Variants in TRIM13 observed in about 807,000 individuals in gnomAD.
The protein encoded by TRIM13 is E3 ubiquitin-protein ligase TRIM13.
TRIM13 carries 15 observed loss-of-function variants against 27.1 expected under a neutral mutation model. The ratio of observed to expected loss-of-function variants is 0.55; its 90% confidence interval spans 0.37 to 0.85. TRIM13 has a LOEUF of 0.85. Ranked by LOEUF, TRIM13 falls within the 40% of genes least tolerant of loss-of-function variation. TRIM13 has a pLI of 0.00. For synonymous variants in TRIM13, 193 were observed against 171.5 expected, an observed-to-expected ratio of 1.13 and a Z score of -0.98; for missense variants, 402 against 472.2, an observed-to-expected ratio of 0.85 and a Z score of 1.38.
chr13:50,012,135 A>T lies in TRIM13; in HGVS notation c.195A>T (p.Gly65=). The T allele has an allele frequency of 6.2e-7, 1 of 1,614,146 alleles. No homozygotes were observed. The highest frequency in any genetic ancestry group is 8.5e-7 in the Non-Finnish European group (1 of 1,180,014). The change falls in exon 2 of 2, where the codon GGA becomes GGT. Residue 65 remains glycine, a synonymous_variant. Transcript: ENST00000378182. ...GCCGTAAGGAAACTTCAGCTACTGG[A>T]ATTAATAGCCTGCAGGTTAATTACT... is the stretch of plus-strand genomic sequence containing the variant. The part of the protein sequence containing the change: ...PTCRKETSAT[G]INSLQVNYSL...
intron 1 of TRIM13, among the ~76,000 whole-genome samples, chr13:50,001,472 G>T (rs1225905182): frequency 6.6e-6 from 1 of 152,190 alleles, no homozygotes; most frequent in Non-Finnish European, 1.5e-5. Flanking sequence ...TTCTGAGTAA[G>T]TGAACTTACC....
At position 50,012,715 on chromosome 13, in the gene TRIM13, A is replaced by G; in HGVS notation, c.775A>G (p.Ile259Val). 1 of 1,614,106 alleles carries G rather than the reference A, an allele frequency of 6.2e-7. No homozygotes were observed. The highest frequency in any genetic ancestry group is 8.5e-7 in the Non-Finnish European group (1 of 1,180,004). Residue 259 changes from isoleucine to valine, a missense_variant, in exon 2 of 2, where the codon ATC becomes GTC. Ile to Val is a conservative substitution (Grantham distance 29). This residue lies in a region of TRIM13 where 200 missense variants were observed against 194.7 expected (regional missense o/e 1.03). Transcript: ENST00000378182. The stretch of plus-strand genomic sequence containing the variant: ...ACAGATGCAGGAGTTTAGAGAGAAA[A>G]TCAAAGTAATCAAGGAAACTCCTTT... ...LQQMQEFREK[I>V]KVIKETPLPP...
chr13:50,006,137 G>A (rs57929264), intron 1 of TRIM13, among the ~76,000 whole-genome samples: 26,581 of 151,816 alleles, frequency 0.18, 2,673 homozygotes, highest in African/African-American at 0.26. Flanking sequence ...CAATTTTTTT[G>A]AAGATACTTT....
rs1179449963 is a variant in TRIM13, at chr13:50,015,082, AAAAAAAAAAAAAATATATATATATATAT to A, written c.*1920_*1947del. 3.7e-4 allele frequency: 15 copies of A among 40,888 alleles called. No individual in the cohort carries two copies. The highest frequency in any genetic ancestry group is 2.7e-3 in the Admixed American group (8 of 2,942). The allele number at this position is 40,888 out of a possible 1,614,324, so 2.5% of individuals were successfully genotyped here. Reference sequence around the variant, plus strand: ...CTTTTCCCCTCCCAGTAATAAAAAAAAAAAAAAAAAAAATATATATATATATATATATATATATATATATATATATATA... The same window carrying A: ...CTTTTCCCCTCCCAGTAATAAAAAAAATATATATATATATATATATATATA... On this transcript the variant is annotated 3_prime_UTR_variant, in exon 2 of 2. Transcript: ENST00000378182.
chr13:50,015,548 A>C lies in TRIM13; in HGVS notation c.*2384A>C. On this transcript the variant is annotated 3_prime_UTR_variant, in exon 2 of 2. Transcript: ENST00000378182. ...TGTGGGAGGGAAGATATTCACGACAAGGTTTTCTACGATAAAGCAGTTTCC... is the reference window on the plus strand; with the variant it reads ...TGTGGGAGGGAAGATATTCACGACACGGTTTTCTACGATAAAGCAGTTTCC... 1.9e-6 allele frequency: 3 copies of C among 1,614,046 alleles called. No homozygotes were observed. Among genetic ancestry groups the C allele is most frequent in the Non-Finnish European group, 2.5e-6 (3 of 1,179,968 alleles).
chr13:50,004,804 G>A (rs866410522), intron 1 of TRIM13, among the ~76,000 whole-genome samples: 14 of 147,910 alleles, frequency 9.5e-5, no homozygotes, highest in Middle Eastern at 3.9e-3. Context: ...GGCCAGGTGC[G>A]GTGGCTCACG....
At chr13:50,005,596 A>C (rs1436062216) in intron 1 of TRIM13, among the ~76,000 whole-genome samples, 1 of 151,444 alleles carries the variant, frequency 6.6e-6, no homozygotes, top group Non-Finnish European at 1.5e-5. Flanking sequence ...AATCACTTGA[A>C]CCCAGGAGGC....
intron 1 of TRIM13, among the ~76,000 whole-genome samples, chr13:50,001,904 T>C (rs1442035033): frequency 1.3e-5 from 2 of 152,088 alleles, no homozygotes; most frequent in Non-Finnish European, 2.9e-5. Context: ...TGATACAGAG[T>C]ATTTAAAATA....
rs562562213 is a variant in TRIM13, at chr13:50,013,679, C to A, written c.*515C>A. ...CTGGGATTACAGGCGCGTGCCACCA[C>A]GCCCAGCTAATTTTTTGTATTTTTA... is the stretch of plus-strand genomic sequence containing the variant. On this transcript the variant is annotated 3_prime_UTR_variant, in exon 2 of 2. Coordinates refer to ENST00000378182, the MANE Select transcript of TRIM13 (RefSeq NM_213590.3). 6.1e-6 allele frequency: 1 copy of A among 163,910 alleles called. No homozygotes were observed. The highest frequency in any genetic ancestry group is 2.4e-5 in the African/African-American group (1 of 41,348). The allele number at this position is 163,910 out of a possible 1,614,324, so 10.2% of individuals were successfully genotyped here.
chr13:50,015,918 T>C lies in TRIM13; in HGVS notation c.*2754T>C. 1 of 1,614,100 alleles carries C rather than the reference T, an allele frequency of 6.2e-7. No homozygotes were observed. Among genetic ancestry groups the C allele is most frequent in the Non-Finnish European group, 8.5e-7 (1 of 1,179,978 alleles). The stretch of plus-strand genomic sequence containing the variant: ...GAGATGCTAACAGGGAGGATTACAG[T>C]GTTTACAGAACAACCTTCAGCGCCG... On this transcript the variant is annotated 3_prime_UTR_variant, in exon 2 of 2. Coordinates refer to ENST00000378182, the MANE Select transcript of TRIM13 (RefSeq NM_213590.3).
At chr13:49,998,654 T>A (rs1195898406) in intron 1 of TRIM13, among the ~76,000 whole-genome samples, 1 of 152,094 alleles carries the variant, frequency 6.6e-6, no homozygotes, top group Non-Finnish European at 1.5e-5. Context: ...GGAATTTTCC[T>A]TTAATAAAAA....
Position 50,015,554 on chromosome 13 carries a change from TCTACGATAAAGCAGTTTC to T in TRIM13, c.*2393_*2410del. 6.2e-7 allele frequency: 1 copy of T among 1,614,126 alleles called. No individual in the cohort carries two copies. The highest frequency in any genetic ancestry group is 8.5e-7 in the Non-Finnish European group (1 of 1,179,986). On this transcript the variant is annotated 3_prime_UTR_variant, in exon 2 of 2. Transcript: ENST00000378182. ...AGGGAAGATATTCACGACAAGGTTT[TCTACGATAAAGCAGTTTC>T]CTGCTTCTCGTTTGGCACGCATGTT... is the stretch of plus-strand genomic sequence containing the variant.
intron 1 of TRIM13, among the ~76,000 whole-genome samples, chr13:50,001,550 A>C (rs181911498): frequency 6.4e-4 from 98 of 152,246 alleles, no homozygotes; most frequent in Admixed American, 1.4e-3. Flanking sequence ...ATATCTTGGA[A>C]ATTTTAACTA....
intron 1 of TRIM13, among the ~76,000 whole-genome samples, chr13:50,009,756 A>AAAAAC (rs1566438947): frequency 8.1e-6 from 1 of 122,736 alleles, no homozygotes; most frequent in Admixed American, 9.2e-5. Flanking sequence ...AAAAAAAAAA[A>AAAAAC]AACAACAACA....
Position 50,012,612 on chromosome 13 carries a change from C to T in TRIM13, c.672C>T (p.Thr224=). The change falls in exon 2 of 2, where the codon ACC becomes ACT. Residue 224 remains threonine, a synonymous_variant. Transcript: ENST00000378182. ...AYDPEINKLN[T]ILQEQRMAFN... ...ACCCAGAGATCAACAAACTCAACACCATCTTGCAGGAGCAACGGATGGCCT... is the reference window on the plus strand; with the variant it reads ...ACCCAGAGATCAACAAACTCAACACTATCTTGCAGGAGCAACGGATGGCCT... The T allele has an allele frequency of 6.2e-7, 1 of 1,614,132 alleles. No individual in the cohort carries two copies. The highest frequency in any genetic ancestry group is 8.5e-7 in the Non-Finnish European group (1 of 1,180,012).
chr13:50,011,259 G>C (rs972591768), intron 1 of TRIM13, among the ~76,000 whole-genome samples: 6 of 152,168 alleles, frequency 3.9e-5, no homozygotes, highest in Non-Finnish European at 7.4e-5. Flanking sequence ...GGGACATCCA[G>C]GTTTCTGCCC....
In TRIM13 at chr13:50,012,733, A is replaced by G. The variant is rs1875806727; in HGVS notation, c.793A>G (p.Thr265Ala). The G allele has an allele frequency of 6.2e-7, 1 of 1,613,842 alleles. No homozygotes were observed. Among genetic ancestry groups the G allele is most frequent in the Non-Finnish European group, 8.5e-7 (1 of 1,179,968 alleles). The change falls in exon 2 of 2, where the codon ACT becomes GCT. Residue 265 changes from threonine to alanine, a missense_variant. Transcript: ENST00000378182. ...AGAGAAAATCAAAGTAATCAAGGAA[A>G]CTCCTTTACCTCCCTCTAATTTGCC... ...FREKIKVIKE[T>A]PLPPSNLPAS... is the part of the protein sequence containing the mutation.
chr13:50,012,848 C>T lies in TRIM13; in HGVS notation c.908C>T (p.Thr303Ile), dbSNP rs1875826166. ...DVDKLSLPQD[T>I]GTFISKIPWS... ...GATAAACTTTCTTTGCCTCAAGACACTGGCACATTCATTAGCAAGATTCCC... is the reference window on the plus strand; with the variant it reads ...GATAAACTTTCTTTGCCTCAAGACATTGGCACATTCATTAGCAAGATTCCC... The change falls in exon 2 of 2, where the codon ACT becomes ATT. Residue 303 changes from threonine to isoleucine, a missense_variant. By Grantham distance (89) the Thr-to-Ile change is moderately conservative. Around this residue, in one of 2 missense-constraint regions of TRIM13, gnomAD observed 200 missense variants for 194.7 expected, o/e 1.03. Coordinates refer to ENST00000378182, the MANE Select transcript of TRIM13 (RefSeq NM_213590.3). 2 of 1,614,126 alleles carry T rather than the reference C, an allele frequency of 1.2e-6. No homozygotes were observed. The highest frequency in any genetic ancestry group is 1.7e-6 in the Non-Finnish European group (2 of 1,180,010).
At position 50,013,435 on chromosome 13, in the gene TRIM13, A is replaced by G. The variant is rs1875912396; in HGVS notation, c.*271A>G. ...ATTTATGCTGTGATAAAAATAGGTG[A>G]GAGATCATATGATCTAATATTGTAT... On this transcript the variant is annotated 3_prime_UTR_variant, in exon 2 of 2. Transcript: ENST00000378182. 2 of 290,694 alleles carry G rather than the reference A, an allele frequency of 6.9e-6. No homozygotes were observed. The highest frequency in any genetic ancestry group is 1.4e-5 in the Non-Finnish European group (2 of 147,412). The allele number at this position is 290,694 out of a possible 1,614,324, so 18.0% of individuals were successfully genotyped here.
Sources: gnomAD v4.1 joint callset for allele counts (sites outside exome capture counted in the v4.1 genomes callset) on GRCh38, gnomAD v4.1.1 for gene constraint, gnomAD v4.1.1 regional missense constraint, MANE v1.5 for transcripts, NCBI Gene and HGNC (gene_info 2026-07-23, HGNC 2026-07-21) for gene names.